Variants in NAV1 observed in about 807,000 individuals in gnomAD.
NAV1 encodes the protein neuron navigator 1.
Under a neutral mutation model 175.2 loss-of-function variants are expected in NAV1, and 18 were observed. The observed-to-expected ratio is 0.10, with a 90% CI of 0.07 to 0.15. NAV1 has a LOEUF of 0.15. NAV1 is among the 10% of genes least tolerant of loss of function. NAV1 has a pLI of 1.00. For synonymous variants in NAV1, 897 were observed against 978.7 expected, an observed-to-expected ratio of 0.92 and a Z score of 1.56; for missense variants, 1,731 against 2,436.6, an observed-to-expected ratio of 0.71 and a Z score of 6.10.
At chr1:201,794,278 A>G (rs1677295255) in intron 14 of NAV1, 188 bp from the exon 19 acceptor site, 1 of 649,310 alleles carries the variant, frequency 1.5e-6, no homozygotes, top group Non-Finnish European at 2.8e-6. Flanking sequence ...CAGCCTCCCA[A>G]GTAGCTGGGA....
chr1:201,824,625 A>C (rs1394567614), exon 30 of NAV1: 3 of 151,888 alleles, frequency 2.0e-5, no homozygotes, highest in Non-Finnish European at 2.9e-5. Context: ...AGACGGTTGA[A>C]AATTCAACCT....
In NAV1 at chr1:201,782,660, G is replaced by T. The variant is rs1676407864; in HGVS notation, c.2148G>T (p.Lys716Asn). ...GAGGCCTTACGCCTTCCAGACTGAA[G>T]GAGCCTACCAAGGTAGCCAGTGGGC... is the stretch of plus-strand genomic sequence containing the variant. Residue 716 changes from lysine (K) to asparagine (N), a missense_variant, in exon 6 of 30, where the codon AAG (lysine) becomes AAT (asparagine). Physicochemically the swap from Lys to Asn is moderately conservative, Grantham distance 94. This residue lies in a region of NAV1 where 634 missense variants were observed against 766.8 expected (regional missense o/e 0.83). Coordinates refer to ENST00000367296, the Ensembl canonical transcript of NAV1. The surrounding 1 kb of genome is among the most constrained non-coding windows in gnomAD (Gnocchi z 5.4). The T allele has an allele frequency of 6.2e-7, 1 of 1,614,124 alleles. No homozygotes were observed. Among genetic ancestry groups the T allele is most frequent in the Non-Finnish European group, 8.5e-7 (1 of 1,180,010 alleles).
chr1:201,586,566 TC>T (rs1432161130), intron 1 of NAV1, among the ~76,000 whole-genome samples: 2 of 152,044 alleles, frequency 1.3e-5, no homozygotes, highest in African/African-American at 4.8e-5. Flanking sequence ...AGGTCTGTCT[TC>T]CTGGCTCACA....
rs1558131756 is a variant in NAV1, at chr1:201,756,864, CTTT to C, written c.1227-23556_1227-23554del. 9.0e-4 allele frequency among the ~76,000 whole-genome samples: 97 copies of C among 108,172 alleles called. 1 individual carries two copies. Among genetic ancestry groups the C allele is most frequent in the African/African-American group, 3.0e-3 (88 of 29,664 alleles). 71.0% of individuals were successfully genotyped at this position (108,172 alleles called of 152,430 possible). A position where few individuals can be genotyped will look rare whatever the true frequency, so the allele number is the denominator to read the frequency against. On this transcript the variant is annotated intron_variant, in intron 3 of 29. Transcript: ENST00000367296. ...TCTTTCTTTCTTTCTTTCTTTCTTT[CTTT>C]CTTTCTTTCTTTCTTTCTCTGTCTT...
At chr1:201,659,433 A>G (rs1360538583) in intron 1 of NAV1, among the ~76,000 whole-genome samples, 1 of 152,174 alleles carries the variant, frequency 6.6e-6, no homozygotes, top group East Asian at 1.9e-4. Flanking sequence ...GTGGGCAACA[A>G]AGCAAGACTA....
At chr1:201,697,244 C>T (rs1671230870) in intron 1 of NAV1, among the ~76,000 whole-genome samples, 1 of 152,062 alleles carries the variant, frequency 6.6e-6, no homozygotes, top group African/African-American at 2.4e-5. Flanking sequence ...TCACAGGGTC[C>T]CCAGTGGTGG....
At chr1:201,724,123 A>G (rs577009661) in intron 3 of NAV1, 1 of 152,330 alleles carries the variant, frequency 6.6e-6, no homozygotes, top group South Asian at 2.1e-4. Context: ...TAGTCTCGCC[A>G]GGGTAATATC....
intron 2 of NAV1, among the ~76,000 whole-genome samples, chr1:201,614,105 T>C (rs976193164): frequency 2.2e-4 from 33 of 152,058 alleles, no homozygotes; most frequent in Non-Finnish European, 5.9e-5. Context: ...CCTCTGTTTT[T>C]AGCCAACACT....
chr1:201,685,771 A>G (rs1670661781), intron 1 of NAV1, among the ~76,000 whole-genome samples: 1 of 152,196 alleles, frequency 6.6e-6, no homozygotes, highest in Non-Finnish European at 1.5e-5. Context: ...GGTCCAGGAA[A>G]CATAGCCAGC....
rs116023898 is a variant in NAV1, at chr1:201,679,690, A to G, written c.757+30265A>G. 8.0e-3 allele frequency among the ~76,000 whole-genome samples: 1,225 copies of G among 152,328 alleles called. 13 individuals are homozygous for G. Among genetic ancestry groups the G allele is most frequent in the Non-Finnish European group, 0.012 (817 of 68,036 alleles). On this transcript the variant is annotated intron_variant, in intron 1 of 29. Coordinates refer to ENST00000367296, the Ensembl canonical transcript of NAV1. The stretch of plus-strand genomic sequence containing the variant: ...GGAAACTGAGGCAGAGAGGTTGAGT[A>G]ACTTGCCTGAAGTCATCCAGCTAGT...
chr1:201,816,594 C>T (rs1246304639), intron 28 of NAV1, among the ~76,000 whole-genome samples: 1 of 151,620 alleles, frequency 6.6e-6, no homozygotes, highest in Non-Finnish European at 1.5e-5. Context: ...ACAATTTATA[C>T]CAACTTATTT....
At chr1:201,637,164 T>C (rs1259033934) in intron 2 of NAV1, among the ~76,000 whole-genome samples, 2 of 152,096 alleles carry the variant, frequency 1.3e-5, no homozygotes, top group Non-Finnish European at 2.9e-5. Flanking sequence ...ACTGAGAAAA[T>C]GAGTGCAGCC....
rs542082930 is a variant in NAV1 at position 201,750,354 on chromosome 1, T to C, written c.1227-30067T>C. ...AGAAATGACTGAGGTAAACTGTTCA[T>C]GGTATGAGAGTTGACCAAGTCAGGG... On this transcript the variant is annotated intron_variant, in intron 3 of 29. Coordinates refer to ENST00000367296, the Ensembl canonical transcript of NAV1. This position sits in a 1 kb window ranked among gnomAD's most constrained non-coding sequence, Gnocchi z 4.1. Among the ~76,000 whole-genome samples, 102 of 152,168 alleles carry C rather than the reference T, an allele frequency of 6.7e-4. No individual in the cohort carries two copies. The highest frequency in any genetic ancestry group is 2.3e-3 in the African/African-American group (95 of 41,520).
At chr1:201,667,673 A>T (rs1330299092) in intron 1 of NAV1, among the ~76,000 whole-genome samples, 1 of 152,194 alleles carries the variant, frequency 6.6e-6, no homozygotes, top group African/African-American at 2.4e-5. Flanking sequence ...ATGAATTTTT[A>T]AAACTGTCTG....
intron 2 of NAV1, among the ~76,000 whole-genome samples, chr1:201,590,693 A>ACT (rs1667162324): frequency 6.6e-6 from 1 of 152,226 alleles, no homozygotes; most frequent in South Asian, 2.1e-4. Flanking sequence ...GCCAGGAGTC[A>ACT]GAGCATCTAG....
chr1:201,678,498 G>A (rs977424883), intron 1 of NAV1, among the ~76,000 whole-genome samples: 1 of 152,224 alleles, frequency 6.6e-6, no homozygotes, highest in Non-Finnish European at 1.5e-5. Context: ...TCCGCTGGAA[G>A]TCACAGAGTT....
At chr1:201,575,733 C>A (rs544464870) in intron 1 of NAV1, among the ~76,000 whole-genome samples, 32 of 152,072 alleles carry the variant, frequency 2.1e-4, no homozygotes, top group Non-Finnish European at 3.8e-4. Context: ...AGGACAGTTT[C>A]TTTGATAAAG....
At chr1:201,597,499 C>A (rs1170522382) in intron 2 of NAV1, among the ~76,000 whole-genome samples, 1 of 152,246 alleles carries the variant, frequency 6.6e-6, no homozygotes, top group Non-Finnish European at 1.5e-5. Context: ...TAACATGCCC[C>A]TGGGGCCCGC....
At chr1:201,625,694 T>A (rs1011149124) in intron 1 of NAV1, among the ~76,000 whole-genome samples, 2 of 152,242 alleles carry the variant, frequency 1.3e-5, no homozygotes, top group African/African-American at 2.4e-5. Context: ...CCCTGGTGAC[T>A]CTTTGACTTT....
Sources: gnomAD v4.1 joint callset for allele counts (sites outside exome capture counted in the v4.1 genomes callset) on GRCh38, gnomAD v4.1.1 for gene constraint, gnomAD v4.1.1 regional missense constraint, Gnocchi (gnomAD v3.1) non-coding constraint, MANE v1.5 for transcripts, NCBI Gene and HGNC (gene_info 2026-07-23, HGNC 2026-07-21) for gene names.